The following NOC4L variants were observed in gnomAD, a reference collection of about 807,000 sequenced individuals.
NOC4L encodes the protein nucleolar complex protein 4 homolog.
In NOC4L, 40 loss-of-function variants were observed where a neutral mutation model predicts 62.8. That is an observed-to-expected ratio of 0.64 (90% CI 0.49 to 0.83). The LOEUF (loss-of-function observed/expected upper bound fraction) is 0.83, where lower values mean the gene tolerates loss of function less well. Among genes scored for constraint, NOC4L ranks in the 40% least tolerant of loss-of-function variants. NOC4L has a pLI of 0.00. For synonymous variants in NOC4L, 433 were observed against 299.8 expected, an observed-to-expected ratio of 1.44 and a Z score of -4.59; for missense variants, 927 against 701.9, an observed-to-expected ratio of 1.32 and a Z score of -3.62.
Position 132,147,646 on chromosome 12 carries a change from G to C in NOC4L, c.467G>C (p.Gly156Ala). The part of the protein sequence containing the change: ...PRELFKLVVG[G>A]LLSPEEDQSL... ...CCTTGCCCCTAGTTGGTGGTGGGAGGCCTGCTGTCTCCTGAGGAGGACCAG... is the reference window on the plus strand; with the variant it reads ...CCTTGCCCCTAGTTGGTGGTGGGAGCCCTGCTGTCTCCTGAGGAGGACCAG... The change falls in exon 5 of 15, where the codon GGC becomes GCC. Residue 156 changes from glycine (G) to alanine (A), a missense_variant. Coordinates refer to ENST00000330579, the MANE Select transcript of NOC4L (RefSeq NM_024078.3). 1.2e-6 allele frequency: 2 copies of C among 1,612,808 alleles called. No homozygotes were observed. The highest frequency in any genetic ancestry group is 1.7e-6 in the Non-Finnish European group (2 of 1,179,906).
chr12:132,147,375 G>A lies in NOC4L; in HGVS notation c.440G>A (p.Arg147Gln), dbSNP rs868171425. 6.3e-6 allele frequency: 10 copies of A among 1,592,502 alleles called. No homozygotes were observed. Among genetic ancestry groups the A allele is most frequent in the Middle Eastern group, 1.6e-4 (1 of 6,064 alleles). The change falls in exon 4 of 15, where the codon CGA (arginine) becomes CAA (glutamine). Residue 147 changes from arginine to glutamine, a missense_variant. Arg to Gln is a conservative substitution (Grantham distance 43, BLOSUM62 1). Transcript: ENST00000330579. ...SKWEGNYLFP[R>Q]ELFKLVVGGL... Reference sequence around the variant, plus strand: ...TGGGAAGGCAACTACCTGTTCCCCCGAGAGCTCTTCAAGGTGAGGGCCTTG... The same window carrying A: ...TGGGAAGGCAACTACCTGTTCCCCCAAGAGCTCTTCAAGGTGAGGGCCTTG...
At chr12:132,148,233 G>C in intron 7 of NOC4L, 127 bp downstream of exon 7, 1 of 953,024 alleles carries the variant, frequency 1.0e-6, no homozygotes, top group Admixed American at 2.3e-5. Flanking sequence ...GTGGCAGCTT[G>C]CACGGCCACC....
chr12:132,152,421 A>G lies in NOC4L; in HGVS notation c.*20A>G. The G allele has an allele frequency of 1.3e-6, 2 of 1,564,328 alleles. No individual in the cohort carries two copies. The highest frequency in any genetic ancestry group is 1.7e-6 in the Non-Finnish European group (2 of 1,150,798). On this transcript the variant is annotated 3_prime_UTR_variant, in exon 15 of 15. Coordinates refer to ENST00000330579, the MANE Select transcript of NOC4L (RefSeq NM_024078.3). ...AGCTGACCCTGGCCCACCTGTGAAT[A>G]AATCTCAGCTGACCCCAGCCCACCT...
intron 4 of NOC4L, 54 bp from the exon 5 acceptor site, chr12:132,147,579 C>T: frequency 6.3e-7 from 1 of 1,591,348 alleles, no homozygotes; most frequent in South Asian, 1.1e-5. Flanking sequence ...CCTGCCTGGA[C>T]CTTGCTGGCG....
intron 3 of NOC4L, among the ~76,000 whole-genome samples, chr12:132,146,674 G>A (rs1897739653): frequency 6.6e-6 from 1 of 152,166 alleles, no homozygotes; most frequent in Non-Finnish European, 1.5e-5. Flanking sequence ...GAGATACCAC[G>A]TGAAAATAAC....
chr12:132,146,728 C>T (rs757512669), intron 3 of NOC4L, among the ~76,000 whole-genome samples: 3 of 152,142 alleles, frequency 2.0e-5, no homozygotes, highest in African/African-American at 4.8e-5. Context: ...TCTGTCAACA[C>T]GGGGTCTAAG....
chr12:132,149,084 GCCTCACTCCTACCACACCCCTAATCC>G (rs1897857971), intron 9 of NOC4L, among the ~76,000 whole-genome samples, 189 bp downstream of exon 9: 10 of 18,904 alleles, frequency 5.3e-4, no homozygotes, highest in Middle Eastern at 0.033. Context: ...GAGTGCCGCC[GCCTCACTCCTACCACACCCCTAATCC>G]CCTCGGTGAG....
chr12:132,150,711 C>T (rs1343479637), intron 9 of NOC4L: 2 of 381,732 alleles, frequency 5.2e-6, no homozygotes, highest in South Asian at 2.7e-5. Flanking sequence ...GCCGCCGCCT[C>T]GCTCACACCA....
chr12:132,147,813 TG>T, intron 5 of NOC4L, 31 bp downstream of exon 5: 1 of 1,611,344 alleles, frequency 6.2e-7, no homozygotes, highest in South Asian at 1.1e-5. Flanking sequence ...GCCAGCATCA[TG>T]CTGTTGCCTC....
In NOC4L at chr12:132,151,521, C is replaced by A. The variant is rs1353604849; in HGVS notation, c.1111C>A (p.Arg371=). ...PAYLVAAFAK[R]LARLALTAPP... is the part of the protein sequence containing the mutation. The stretch of plus-strand genomic sequence containing the variant: ...CTACCTGGTGGCCGCCTTCGCCAAG[C>A]GGCTGGCCCGCCTGGCCCTGACGGC... Residue 371 remains arginine, a synonymous_variant, in exon 12 of 15, where the codon CGG becomes AGG. Transcript: ENST00000330579. The A allele has an allele frequency of 6.2e-7, 1 of 1,606,592 alleles. No individual in the cohort carries two copies. The highest frequency in any genetic ancestry group is 1.1e-5 in the South Asian group (1 of 90,920).
At chr12:132,147,543 C>T (rs1897769358) in intron 4 of NOC4L, 90 bp from the exon 5 acceptor site, 1 of 1,532,116 alleles carries the variant, frequency 6.5e-7, no homozygotes. Context: ...AGGAGTCTGC[C>T]TGGGGGGCTC....
chr12:132,151,600 G>A lies in NOC4L; in HGVS notation c.1190G>A (p.Arg397Gln), dbSNP rs144634478. ...VLPFICNLLR[R>Q]HPACRVLVHR... is the part of the protein sequence containing the mutation. ...CCTTTCATCTGTAACCTGCTGCGCC[G>A]GCACCCTGCCTGCCGGGTCCTCGTG... Residue 397 changes from arginine to glutamine, a missense_variant, in exon 12 of 15, where the codon CGG becomes CAG. By Grantham distance (43) the Arg-to-Gln change is conservative (BLOSUM62 1). Coordinates refer to ENST00000330579, the MANE Select transcript of NOC4L (RefSeq NM_024078.3). 2.3e-4 allele frequency: 373 copies of A among 1,611,454 alleles called. 2 individuals are homozygous for A. The highest frequency in any genetic ancestry group is 1.8e-4 in the Admixed American group (11 of 59,938).
chr12:132,150,855 C>A, intron 9 of NOC4L, 126 bp from the exon 10 acceptor site: 1 of 713,170 alleles, frequency 1.4e-6, no homozygotes, highest in Non-Finnish European at 2.4e-6. Flanking sequence ...GCTTTGTGTC[C>A]GTGGGGGCTG....
chr12:132,144,517 T>G lies in NOC4L; in HGVS notation c.29T>G (p.Val10Gly). 6.6e-7 allele frequency: 1 copy of G among 1,514,668 alleles called. No individual in the cohort carries two copies. Among genetic ancestry groups the G allele is most frequent in the Admixed American group, 2.1e-5 (1 of 48,166 alleles). 93.8% of individuals were successfully genotyped at this position (1,514,668 alleles called of 1,614,324 possible). The change falls in exon 1 of 15, where the codon GTT becomes GGT. Residue 10 changes from valine (V) to glycine (G), a missense_variant. Transcript: ENST00000330579. ...GAGCGGGAGCCGGGCGCCGCGGGAG[T>G]TCGCCGGGCTCTGGGCCGCCGGCTG... Reference protein sequence around the residue: MEREPGAAGVRRALGRRLEA... With the variant: MEREPGAAGGRRALGRRLEA...
chr12:132,148,184 C>T (rs1897797813), intron 7 of NOC4L, 78 bp downstream of exon 7: 1 of 1,456,782 alleles, frequency 6.9e-7, no homozygotes, highest in African/African-American at 1.4e-5. Flanking sequence ...CCCATGGAGG[C>T]TGCCGCCTTC....
Position 132,144,980 on chromosome 12 carries a change from C to T in NOC4L, c.238+6C>T, listed in dbSNP as rs547577831. 1.4e-5 allele frequency: 23 copies of T among 1,591,864 alleles called. No individual in the cohort carries two copies. In the East Asian group the frequency reaches 4.8e-4, roughly 33 times the overall value. On this transcript the variant is annotated splice_donor_region_variant and intron_variant, in intron 2 of 14. Coordinates refer to ENST00000330579, the MANE Select transcript of NOC4L (RefSeq NM_024078.3). Reference sequence around the variant, plus strand: ...TGAGGAGATGGTCATGACAGGTGAGCCCTGGAGGGCCCCGGGGCTGCTCTT... The same window carrying T: ...TGAGGAGATGGTCATGACAGGTGAGTCCTGGAGGGCCCCGGGGCTGCTCTT...
chr12:132,148,377 C>G (rs559004164), intron 7 of NOC4L, among the ~76,000 whole-genome samples: 1 of 152,194 alleles, frequency 6.6e-6, no homozygotes, highest in Non-Finnish European at 1.5e-5. Flanking sequence ...TGGGCGCAGC[C>G]CCCCTCTTGG....
chr12:132,151,729 C>G lies in NOC4L; in HGVS notation c.1235-9C>G. The G allele has an allele frequency of 1.9e-6, 3 of 1,612,402 alleles. No individual in the cohort carries two copies. Among genetic ancestry groups the G allele is most frequent in the East Asian group, 4.5e-5 (2 of 44,854 alleles). On this transcript the variant is annotated splice_polypyrimidine_tract_variant and intron_variant, in intron 12 of 14. Coordinates refer to ENST00000330579, the MANE Select transcript of NOC4L (RefSeq NM_024078.3). Reference sequence around the variant, plus strand: ...GGACGGCAGACAAGGGCCCACGTCTCATTCCTAGAGTTGGACGCCGACCCC... The same window carrying G: ...GGACGGCAGACAAGGGCCCACGTCTGATTCCTAGAGTTGGACGCCGACCCC...
Position 132,147,986 on chromosome 12 carries a change from G to A in NOC4L, c.703+7G>A, listed in dbSNP as rs1427844604. The A allele has an allele frequency of 6.2e-7, 1 of 1,611,832 alleles. No individual in the cohort carries two copies. Among genetic ancestry groups the A allele is most frequent in the South Asian group, 1.1e-5 (1 of 90,842 alleles). Reference sequence around the variant, plus strand: ...TTCTATGTGAAGCGGGCGGGTGAGTGTGCTGAGAGTCAGGGGCGGACAGGG... The same window carrying A: ...TTCTATGTGAAGCGGGCGGGTGAGTATGCTGAGAGTCAGGGGCGGACAGGG... On this transcript the variant is annotated splice_region_variant and intron_variant, in intron 6 of 14. Coordinates refer to ENST00000330579, the MANE Select transcript of NOC4L (RefSeq NM_024078.3).
Sources: allele counts gnomAD v4.1 joint callset (sites outside exome capture counted in the v4.1 genomes callset), GRCh38; gene constraint gnomAD v4.1.1; transcripts MANE v1.5; gene names NCBI Gene and HGNC (gene_info 2026-07-23, HGNC 2026-07-21).